Variants in CAD observed in about 807,000 individuals in gnomAD.
CAD encodes the protein multifunctional protein CAD.
CAD carries 81 observed loss-of-function variants against 237.2 expected under a neutral mutation model. The observed-to-expected ratio is 0.34, with a 90% CI of 0.29 to 0.41. The LOEUF (loss-of-function observed/expected upper bound fraction) is 0.41, where lower values mean the gene tolerates loss of function less well. Ranked by LOEUF, CAD falls within the 10% of genes least tolerant of loss-of-function variation. The pLI is 1.00. For synonymous variants in CAD, 1,196 were observed against 1,162.8 expected, an observed-to-expected ratio of 1.03 and a Z score of -0.58; for missense variants, 2,181 against 2,951.7, an observed-to-expected ratio of 0.74 and a Z score of 6.05.
chr2:27,224,825 GCTGGCCGA>G lies in CAD; in HGVS notation c.1337_1344del (p.Leu446GlnfsTer18). 6.2e-7 allele frequency: 1 copy of G among 1,614,186 alleles called. No homozygotes were observed. The highest frequency in any genetic ancestry group is 8.5e-7 in the Non-Finnish European group (1 of 1,180,010). On this transcript the variant is annotated frameshift_variant, in exon 10 of 44. Coordinates refer to ENST00000264705, the MANE Select transcript of CAD (RefSeq NM_004341.5). LOFTEE classifies it high-confidence loss of function. ...TTGCCACAGTGCAGACCTCCCAGGG[GCTGGCCGA>G]CAAGGTCTATTTTCTTCCCATAACA...
In CAD at chr2:27,239,767, C is replaced by A; in HGVS notation, c.5465C>A (p.Pro1822His). 6.3e-7 allele frequency: 1 copy of A among 1,581,636 alleles called. No individual in the cohort carries two copies. The highest frequency in any genetic ancestry group is 8.6e-7 in the Non-Finnish European group (1 of 1,162,716). Reference sequence around the variant, plus strand: ...CAGGGGGCTGTTCCTCAGCTCCCACCCTCAGCCCCTGCCACTAGTGAGATG... The same window carrying A: ...CAGGGGGCTGTTCCTCAGCTCCCACACTCAGCCCCTGCCACTAGTGAGATG... ...WPQGAVPQLP[P>H]SAPATSEMTT... The change falls in exon 34 of 44, where the codon CCC becomes CAC. Residue 1822 changes from proline to histidine, a missense_variant. Physicochemically the swap from Pro to His is moderately conservative, Grantham distance 77 (BLOSUM62 -2). This residue lies in a region of CAD where 478 missense variants were observed against 515.0 expected (regional missense o/e 0.93). Coordinates refer to ENST00000264705, the MANE Select transcript of CAD (RefSeq NM_004341.5). The surrounding 1 kb of genome is among the most constrained non-coding windows in gnomAD (Gnocchi z 4.0).
Position 27,239,061 on chromosome 2 carries a change from G to C in CAD, c.5082G>C (p.Glu1694Asp), listed in dbSNP as rs777565175. Residue 1694 changes from glutamate (E) to aspartate (D), a missense_variant, in exon 32 of 44, where the codon GAG becomes GAC. Physicochemically the swap from Glu to Asp is conservative, Grantham distance 45. This residue lies in a region of CAD where 478 missense variants were observed against 515.0 expected (regional missense o/e 0.93). Transcript: ENST00000264705. The surrounding 1 kb of genome is among the most constrained non-coding windows in gnomAD (Gnocchi z 4.0). ...TCCCAGCTCCCCATACCTTGGAGGA[G>C]AAGTGTGGGTCCAGGCCCCCACCTG... ...ASDHAPHTLE[E>D]KCGSRPPPGF... The C allele has an allele frequency of 6.4e-7, 1 of 1,571,212 alleles. No individual in the cohort carries two copies. Among genetic ancestry groups the C allele is most frequent in the East Asian group, 2.2e-5 (1 of 44,616 alleles).
Position 27,242,693 on chromosome 2 carries a change from T to G in CAD, c.6296T>G (p.Val2099Gly). The G allele has an allele frequency of 6.2e-7, 1 of 1,614,042 alleles. No individual in the cohort carries two copies. Among genetic ancestry groups the G allele is most frequent in the Non-Finnish European group, 8.5e-7 (1 of 1,179,964 alleles). ...GCCTGCCTGCTCACCCAGTATCGTG[T>G]CAGCCTGCGCTACGTGGCACCTCCC... ...SLACLLTQYR[V>G]SLRYVAPPSL... Residue 2099 changes from valine to glycine, a missense_variant, in exon 41 of 44, where the codon GTC (valine) becomes GGC (glycine). By Grantham distance (109) the Val-to-Gly change is moderately radical. Around this residue, in one of 12 missense-constraint regions of CAD, gnomAD observed 170 missense variants for 212.1 expected, o/e 0.80. Transcript: ENST00000264705. The surrounding 1 kb of genome is among the most constrained non-coding windows in gnomAD (Gnocchi z 6.4).
rs1363869833 is a variant in CAD at position 27,235,137 on chromosome 2, C to A, written c.3787-108C>A. ...AGGGCACACAGAGAGGGCAGGCTGA[C>A]CCTGCCATTCAGATGGGATCAAGCA... On this transcript the variant is annotated intron_variant, in intron 23 of 43. Transcript: ENST00000264705. The surrounding 1 kb of genome is among the most constrained non-coding windows in gnomAD (Gnocchi z 5.2). 2.0e-6 allele frequency: 2 copies of A among 1,018,856 alleles called. No homozygotes were observed. Among genetic ancestry groups the A allele is most frequent in the Non-Finnish European group, 2.8e-6 (2 of 706,696 alleles). The allele number at this position is 1,018,856 out of a possible 1,614,324, so 63.1% of individuals were successfully genotyped here.
At chr2:27,226,382 G>T (rs1409754808) in intron 13 of CAD, 63 bp downstream of exon 13, 3 of 1,576,234 alleles carry the variant, frequency 1.9e-6, no homozygotes, top group Admixed American at 1.7e-5. Context: ...ATAATTTTTG[G>T]CCCTTGAGGT....
At chr2:27,234,305 C>A (rs1675900868) in intron 22 of CAD, 79 bp downstream of exon 22, 4 of 1,368,750 alleles carry the variant, frequency 2.9e-6, no homozygotes, top group Non-Finnish European at 4.2e-6. Context: ...TGAAGCCCTG[C>A]ACTGTCTCCT....
intron 8 of CAD, 131 bp from the exon 9 acceptor site, chr2:27,224,214 C>T (rs1314754737): frequency 4.8e-6 from 5 of 1,050,264 alleles, no homozygotes; most frequent in Non-Finnish European, 5.6e-6. Flanking sequence ...GTCCTGGGTT[C>T]TGGTCCTCCC....
At position 27,236,557 on chromosome 2, in the gene CAD, C is replaced by T. The variant is rs1441677013; in HGVS notation, c.4314+34C>T. On this transcript the variant is annotated intron_variant, in intron 26 of 43. Transcript: ENST00000264705. The surrounding 1 kb of genome is among the most constrained non-coding windows in gnomAD (Gnocchi z 4.1). ...GACCCATGTGCTGGGAGGGAGACTGCCAGTGTTGATGGGAAGAAGAAAGAG... is the reference window on the plus strand; with the variant it reads ...GACCCATGTGCTGGGAGGGAGACTGTCAGTGTTGATGGGAAGAAGAAAGAG... 6.2e-7 allele frequency: 1 copy of T among 1,605,154 alleles called. No individual in the cohort carries two copies. Among genetic ancestry groups the T allele is most frequent in the Non-Finnish European group, 8.5e-7 (1 of 1,177,804 alleles).
At position 27,241,314 on chromosome 2, in the gene CAD, T is replaced by G. The variant is rs764098726; in HGVS notation, c.5809-8T>G. 2 of 1,614,058 alleles carry G rather than the reference T, an allele frequency of 1.2e-6. No individual in the cohort carries two copies. The highest frequency in any genetic ancestry group is 2.7e-5 in the African/African-American group (2 of 74,926). On this transcript the variant is annotated splice_polypyrimidine_tract_variant and splice_region_variant and intron_variant, in intron 37 of 43. Coordinates refer to ENST00000264705, the MANE Select transcript of CAD (RefSeq NM_004341.5). This position sits in a 1 kb window ranked among gnomAD's most constrained non-coding sequence, Gnocchi z 4.6. ...GGACCTTTCTAGCTAACTTGGGCTC[T>G]TTCTTAGATGTCTCACCTGTTCAAT...
chr2:27,230,662 C>T (rs1280425399), intron 15 of CAD, among the ~76,000 whole-genome samples: 3 of 151,936 alleles, frequency 2.0e-5, no homozygotes. Context: ...AAGAAAAGTC[C>T]AGAAAGAGAA....
Position 27,240,639 on chromosome 2 carries a change from G to T in CAD, c.5594-272G>T. ...TGGGGTAAATCCAGGTTGTTGGTTG[G>T]TGTGAGTCTGGCCGTTCCTCTTGCC... On this transcript the variant is annotated intron_variant, in intron 35 of 43. Transcript: ENST00000264705. The surrounding 1 kb of genome is among the most constrained non-coding windows in gnomAD (Gnocchi z 4.6). 1.3e-6 allele frequency: 2 copies of T among 1,543,356 alleles called. No individual in the cohort carries two copies. The highest frequency in any genetic ancestry group is 4.9e-5 in the East Asian group (2 of 40,468).
intron 2 of CAD, among the ~76,000 whole-genome samples, chr2:27,218,364 A>G (rs1467286988): frequency 6.6e-6 from 1 of 152,244 alleles, no homozygotes; most frequent in Non-Finnish European, 1.5e-5. Context: ...TGCAGAAGTC[A>G]GGAGAAAAAA....
intron 4 of CAD, 24 bp downstream of exon 4, chr2:27,222,360 G>A (rs866920905): frequency 6.3e-7 from 1 of 1,599,718 alleles, no homozygotes. Context: ...GTGGGAGAGT[G>A]TTGCAAGCTC....
In CAD at chr2:27,228,909, CT is replaced by C. The variant is rs1236993462; in HGVS notation, c.2287+1959del. On this transcript the variant is annotated intron_variant, in intron 15 of 43. Transcript: ENST00000264705. Reference sequence around the variant, plus strand: ...CGAGACCCTGTCTCTTTTTTCTTTTCTTTTTTTTTTTTCTTTTTTTTTTTTT... The same window carrying C: ...CGAGACCCTGTCTCTTTTTTCTTTTCTTTTTTTTTTTCTTTTTTTTTTTTT... 9.8e-3 allele frequency among the ~76,000 whole-genome samples: 1,311 copies of C among 133,144 alleles called. 21 individuals are homozygous for C. Among genetic ancestry groups the C allele is most frequent in the African/African-American group, 0.03 (1,105 of 36,438 alleles). 87.3% of individuals were successfully genotyped at this position (133,144 alleles called of 152,430 possible).
At chr2:27,222,458 C>T (rs1675220204) in intron 4 of CAD, 61 bp from the exon 5 acceptor site, 1 of 1,590,750 alleles carries the variant, frequency 6.3e-7, no homozygotes, top group Admixed American at 1.7e-5. Flanking sequence ...TTGGTGCAGG[C>T]ATATCTTATA....
intron 15 of CAD, among the ~76,000 whole-genome samples, chr2:27,227,342 A>G (rs1675488185): frequency 6.6e-6 from 1 of 152,214 alleles, no homozygotes; most frequent in Non-Finnish European, 1.5e-5. Flanking sequence ...GTTACCCAGC[A>G]GTGGCAGAGC....
Position 27,238,113 on chromosome 2 carries a change from G to A in CAD, c.4786G>A (p.Val1596Met), listed in dbSNP as rs140521510. 348 of 1,614,166 alleles carry A rather than the reference G, an allele frequency of 2.2e-4. No individual in the cohort carries two copies. The highest frequency in any genetic ancestry group is 1.5e-3 in the Middle Eastern group (9 of 6,062). Residue 1596 changes from valine (V) to methionine (M), a missense_variant, in exon 30 of 44, where the codon GTG (valine) becomes ATG (methionine). Physicochemically the swap from Val to Met is conservative, Grantham distance 21. Transcript: ENST00000264705. ...TGTGGCTCACGCAGAGCAGCAAACC[G>A]TGGCTGCTGTCCTCATGGTGGCTCA... is the stretch of plus-strand genomic sequence containing the variant. The part of the protein sequence containing the change: ...PIVAHAEQQT[V>M]AAVLMVAQLT...
chr2:27,240,616 G>T lies in CAD; in HGVS notation c.5593+255G>T. 6.5e-7 allele frequency: 1 copy of T among 1,543,768 alleles called. No individual in the cohort carries two copies. Among genetic ancestry groups the T allele is most frequent in the Non-Finnish European group, 8.7e-7 (1 of 1,143,024 alleles). ...GGATCCCACGGGGCAGCAGAGCGTG[G>T]GGTAAATCCAGGTTGTTGGTTGGTG... is the stretch of plus-strand genomic sequence containing the variant. On this transcript the variant is annotated intron_variant, in intron 35 of 43. Coordinates refer to ENST00000264705, the MANE Select transcript of CAD (RefSeq NM_004341.5). The surrounding 1 kb of genome is among the most constrained non-coding windows in gnomAD (Gnocchi z 4.6).
Position 27,222,618 on chromosome 2 carries a change from G to A in CAD, c.595G>A (p.Glu199Lys), listed in dbSNP as rs1675228975. The A allele has an allele frequency of 3.1e-6, 5 of 1,614,046 alleles. No homozygotes were observed. Among genetic ancestry groups the A allele is most frequent in the Admixed American group, 3.3e-5 (2 of 60,004 alleles). ...CCGATGCCTCTGCCAGCGTGGGGCT[G>A]AGGTCACTGTGGTACCCTGGGACCA... ...QIRCLCQRGA[E>K]VTVVPWDHAL... Residue 199 changes from glutamate (E) to lysine (K), a missense_variant, in exon 5 of 44, where the codon GAG (glutamate) becomes AAG (lysine). Coordinates refer to ENST00000264705, the MANE Select transcript of CAD (RefSeq NM_004341.5).
Sources: allele counts gnomAD v4.1 joint callset (sites outside exome capture counted in the v4.1 genomes callset), GRCh38; gene constraint gnomAD v4.1.1; regional missense constraint gnomAD v4.1.1; non-coding constraint Gnocchi (gnomAD v3.1); transcripts MANE v1.5; gene names NCBI Gene and HGNC (gene_info 2026-07-23, HGNC 2026-07-21).